Variants in IL1R1 observed in about 807,000 individuals in gnomAD.
IL1R1 encodes interleukin-1 receptor type 1.
Under a neutral mutation model 50.2 loss-of-function variants are expected in IL1R1, and 22 were observed. The observed-to-expected ratio is 0.44, with a 90% CI of 0.31 to 0.63. IL1R1 has a LOEUF of 0.63. Ranked by LOEUF, IL1R1 falls within the 20% of genes least tolerant of loss-of-function variation. IL1R1 has a pLI of 0.07. For missense variants in IL1R1, 509 were observed against 676.2 expected, an observed-to-expected ratio of 0.75 and a Z score of 2.74; for synonymous variants, 251 against 236.7, an observed-to-expected ratio of 1.06 and a Z score of -0.55.
chr2:102,109,863 G>A (rs1173728123), intron 1 of IL1R1, among the ~76,000 whole-genome samples: 1 of 152,202 alleles, frequency 6.6e-6, no homozygotes, highest in Non-Finnish European at 1.5e-5. Context: ...TAGCTTGGGG[G>A]CCAAGGGCGG....
intron 8 of IL1R1, chr2:102,172,396 GT>G (rs1234283784): frequency 1.0e-6 from 1 of 985,126 alleles, no homozygotes; most frequent in Non-Finnish European, 1.2e-6. Context: ...CTTGTTTAGT[GT>G]CTCCTCTGTG....
chr2:102,087,544 G>A (rs555118017), intron 1 of IL1R1, among the ~76,000 whole-genome samples: 15 of 152,242 alleles, frequency 9.9e-5, no homozygotes, highest in Non-Finnish European at 1.5e-4. Context: ...TGTAATTCTC[G>A]TGCATCAGGG....
At chr2:102,124,378 C>G (rs1181040342) in intron 1 of IL1R1, among the ~76,000 whole-genome samples, 2 of 151,868 alleles carry the variant, frequency 1.3e-5, no homozygotes, top group Non-Finnish European at 2.9e-5. Context: ...TGAGATTGCG[C>G]CACTGCACTC....
upstream of IL1R1, among the ~76,000 whole-genome samples, chr2:102,103,830 C>T (rs1680259346): frequency 2.0e-5 from 3 of 151,854 alleles, no homozygotes; most frequent in South Asian, 4.2e-4. Context: ...CCCATCTCTA[C>T]TAAAATTACA....
intron 1 of IL1R1, among the ~76,000 whole-genome samples, chr2:102,110,934 G>C (rs12994561): frequency 0.27 from 41,589 of 151,988 alleles, 6,459 homozygotes; most frequent in African/African-American, 0.43. Context: ...TGTTAGCCTG[G>C]TGATTGGGAC....
intron 1 of IL1R1, among the ~76,000 whole-genome samples, chr2:102,090,801 T>C (rs980967510): frequency 1.3e-5 from 2 of 152,208 alleles, no homozygotes; most frequent in Non-Finnish European, 2.9e-5. Context: ...GTGAGCTGCT[T>C]CCATATTCTG....
chr2:102,158,645 A>T (rs913545992), intron 3 of IL1R1, among the ~76,000 whole-genome samples: 5 of 152,214 alleles, frequency 3.3e-5, no homozygotes, highest in African/African-American at 9.7e-5. Flanking sequence ...GGAAGTCATA[A>T]GGGACCAGGC....
chr2:102,089,228 G>A (rs1314910103), intron 1 of IL1R1, among the ~76,000 whole-genome samples: 1 of 152,174 alleles, frequency 6.6e-6, no homozygotes, highest in East Asian at 1.9e-4. Flanking sequence ...TAAAGTGAGA[G>A]AATTGTGACT....
intron 7 of IL1R1, among the ~76,000 whole-genome samples, chr2:102,170,154 A>T (rs1294955680): frequency 1.3e-5 from 2 of 152,254 alleles, no homozygotes; most frequent in African/African-American, 4.8e-5. Context: ...TCAGAAGCAT[A>T]TAGTACCCTG....
chr2:102,132,063 T>C lies in IL1R1; in HGVS notation c.-83-21878T>C, dbSNP rs151228548. 5.9e-4 allele frequency among the ~76,000 whole-genome samples: 89 copies of C among 151,512 alleles called. 1 individual carries two copies. The East Asian group carries it at 0.015, about 26-fold the overall frequency. The stretch of plus-strand genomic sequence containing the variant: ...ATCTCTAACATACTAAAGGAAAAAA[T>C]TGTCAACCAAGAATTTTATACACAG... On this transcript the variant is annotated intron_variant, in intron 1 of 10. Coordinates refer to the IL1R1 transcript ENST00000409329.
chr2:102,127,688 TG>T (rs1273970616), intron 1 of IL1R1, among the ~76,000 whole-genome samples: 1 of 151,200 alleles, frequency 6.6e-6, no homozygotes, highest in Non-Finnish European at 1.5e-5. Context: ...TGTGTGTGTG[TG>T]TGTGTGTATC....
chr2:102,137,492 G>A (rs1682411599), intron 1 of IL1R1, among the ~76,000 whole-genome samples: 1 of 152,126 alleles, frequency 6.6e-6, no homozygotes, highest in South Asian at 2.1e-4. Context: ...TGGGGCTGTG[G>A]ACTGGAGCAC....
At chr2:102,118,610 A>AGAATT (rs954735038) in intron 1 of IL1R1, among the ~76,000 whole-genome samples, 4 of 152,192 alleles carry the variant, frequency 2.6e-5, no homozygotes, top group Admixed American at 6.5e-5. Flanking sequence ...AGTTAGTATC[A>AGAATT]GAATTGAATT....
intron 1 of IL1R1, among the ~76,000 whole-genome samples, chr2:102,121,241 G>T (rs1377856521): frequency 6.6e-6 from 1 of 152,174 alleles, no homozygotes; most frequent in Non-Finnish European, 1.5e-5. Context: ...GCCTGCAGAT[G>T]TCCGCCCCCC....
intron 1 of IL1R1, among the ~76,000 whole-genome samples, chr2:102,079,498 A>G (rs1679116509): frequency 6.6e-6 from 1 of 152,170 alleles, no homozygotes; most frequent in Non-Finnish European, 1.5e-5. Context: ...TTCTACTTAC[A>G]ATAGCTTCAA....
chr2:102,171,981 T>C lies in IL1R1; in HGVS notation c.839+63T>C, dbSNP rs949847618. On this transcript the variant is annotated intron_variant, in intron 8 of 11. Transcript: ENST00000410023. ...ATCCCACGTGATATTTTATATAACC[T>C]TGTCGGTTCAGTTTAAAAGCAAGTG... 2.9e-5 allele frequency: 23 copies of C among 803,680 alleles called. No individual in the cohort carries two copies. The Admixed American group carries it at 5.8e-4, about 20-fold the overall frequency. 49.8% of individuals were successfully genotyped at this position (803,680 alleles called of 1,614,324 possible).
At chr2:102,076,580 A>G (rs535900451) in intron 1 of IL1R1, among the ~76,000 whole-genome samples, 3 of 152,348 alleles carry the variant, frequency 2.0e-5, no homozygotes, top group Admixed American at 6.5e-5. Context: ...TTTTTGCTGC[A>G]TAAATTTTTA....
chr2:102,110,317 C>G (rs958683492), intron 1 of IL1R1, among the ~76,000 whole-genome samples: 9 of 152,104 alleles, frequency 5.9e-5, no homozygotes, highest in African/African-American at 2.2e-4. Flanking sequence ...GCAGCCTGCC[C>G]TCGTAATTTT....
upstream of IL1R1, among the ~76,000 whole-genome samples, chr2:102,139,103 C>T (rs1237927240): frequency 1.3e-5 from 2 of 152,058 alleles, no homozygotes. Context: ...TAAAGTGGAC[C>T]GAGCTGAAGA....
Sources: gnomAD v4.1 joint callset for allele counts (sites outside exome capture counted in the v4.1 genomes callset) on GRCh38, gnomAD v4.1.1 for gene constraint, MANE v1.5 for transcripts, NCBI Gene and HGNC (gene_info 2026-07-23, HGNC 2026-07-21) for gene names.